Variants in KLHL1 observed in about 807,000 individuals in gnomAD.
The protein encoded by KLHL1 is kelch-like protein 1.
KLHL1 carries 47 observed loss-of-function variants against 77.7 expected under a neutral mutation model. The observed-to-expected ratio is 0.60, with a 90% confidence interval of 0.48 to 0.77. KLHL1 has a LOEUF of 0.77. Among genes scored for constraint, KLHL1 ranks in the 30% least tolerant of loss-of-function variants. The pLI is 0.00. For missense variants in KLHL1, 925 were observed against 910.8 expected (o/e 1.02, Z -0.20); for synonymous variants, 360 against 325.2 (o/e 1.11, Z -1.15).
At chr13:69,758,172 G>A (rs897613279) in intron 7 of KLHL1, among the ~76,000 whole-genome samples, 4 of 151,686 alleles carry the variant, frequency 2.6e-5, no homozygotes, top group Admixed American at 6.6e-5. Flanking sequence ...TTACTCAAAA[G>A]GTGAACAAAA....
chr13:69,884,088 C>A (rs1465126271), intron 4 of KLHL1, among the ~76,000 whole-genome samples: 4 of 152,140 alleles, frequency 2.6e-5, no homozygotes, highest in Non-Finnish European at 4.4e-5. Flanking sequence ...TATGTTAGAG[C>A]AGTTTCAAAT....
intron 6 of KLHL1, among the ~76,000 whole-genome samples, chr13:69,798,917 C>CA (rs1877250801): frequency 6.6e-6 from 1 of 151,710 alleles, no homozygotes; most frequent in Non-Finnish European, 1.5e-5. Context: ...ACTAAAAATA[C>CA]AAAAAATAAT....
At chr13:70,019,193 T>C (rs1410856487) in intron 1 of KLHL1, among the ~76,000 whole-genome samples, 6 of 152,162 alleles carry the variant, frequency 3.9e-5, no homozygotes, top group Non-Finnish European at 8.8e-5. Flanking sequence ...AGGTTGTCTC[T>C]GTGTTATGAG....
chr13:70,000,949 G>A (rs1885273276), intron 1 of KLHL1, among the ~76,000 whole-genome samples: 1 of 149,866 alleles, frequency 6.7e-6, no homozygotes, highest in Non-Finnish European at 1.5e-5. Flanking sequence ...AAAAATAGAT[G>A]CCAGAATATT....
intron 7 of KLHL1, among the ~76,000 whole-genome samples, chr13:69,766,584 G>T (rs1280136158): frequency 6.6e-6 from 1 of 151,924 alleles, no homozygotes; most frequent in African/African-American, 2.4e-5. Context: ...TGGAAAAGAA[G>T]GTGGGAGAGA....
chr13:70,096,146 A>G (rs916772331), intron 1 of KLHL1, among the ~76,000 whole-genome samples: 5 of 152,118 alleles, frequency 3.3e-5, no homozygotes, highest in African/African-American at 7.2e-5. Context: ...TTGTGCTGCA[A>G]TAAACACAGG....
intron 9 of KLHL1, among the ~76,000 whole-genome samples, chr13:69,711,778 A>C (rs1875887324): frequency 6.6e-6 from 1 of 152,048 alleles, no homozygotes; most frequent in Non-Finnish European, 1.5e-5. Context: ...AAATGTTGAC[A>C]ATTGGTATTA....
At chr13:69,724,124 C>T (rs12429498) in intron 8 of KLHL1, among the ~76,000 whole-genome samples, 175 of 152,098 alleles carry the variant, frequency 1.2e-3, no homozygotes, top group African/African-American at 4.0e-3. Context: ...CGTGAGATAC[C>T]GTGCCTGGCT....
At chr13:69,777,470 C>A (rs1566239380) in intron 7 of KLHL1, among the ~76,000 whole-genome samples, 1 of 152,102 alleles carries the variant, frequency 6.6e-6, no homozygotes, top group East Asian at 1.9e-4. Context: ...ATCCTTATAT[C>A]TCTTGTACTG....
chr13:69,952,234 G>A (rs924935393), intron 3 of KLHL1, among the ~76,000 whole-genome samples: 1 of 151,416 alleles, frequency 6.6e-6, no homozygotes, highest in Admixed American at 6.6e-5. Context: ...AAAGCAGAGT[G>A]CATAGCCCAG....
chr13:69,826,843 T>C (rs1410893530), intron 6 of KLHL1, among the ~76,000 whole-genome samples: 1 of 151,612 alleles, frequency 6.6e-6, no homozygotes, highest in East Asian at 1.9e-4. Context: ...TAAACGAGTG[T>C]TTAGGATACT....
intron 4 of KLHL1, among the ~76,000 whole-genome samples, chr13:69,907,479 C>T (rs1882080741): frequency 6.6e-6 from 1 of 151,722 alleles, no homozygotes; most frequent in African/African-American, 2.4e-5. Flanking sequence ...TTGTTAATAA[C>T]ATTTGTGTTT....
intron 5 of KLHL1, among the ~76,000 whole-genome samples, chr13:69,843,511 G>T (rs537388510): frequency 6.6e-6 from 1 of 151,578 alleles, no homozygotes; most frequent in Non-Finnish European, 1.5e-5. Flanking sequence ...ACTAATTAGG[G>T]TGGATTAATT....
chr13:69,891,212 T>C (rs1336043361), intron 4 of KLHL1, among the ~76,000 whole-genome samples: 1 of 152,108 alleles, frequency 6.6e-6, no homozygotes, highest in Non-Finnish European at 1.5e-5. Context: ...TCTGCCGGAC[T>C]GAAGTGAATG....
In KLHL1 at chr13:69,796,850, A is replaced by G. The variant is rs1432841392; in HGVS notation, c.1527T>C (p.Phe509=). 6.2e-7 allele frequency: 1 copy of G among 1,614,116 alleles called. No homozygotes were observed. The highest frequency in any genetic ancestry group is 2.2e-5 in the East Asian group (1 of 44,868). Residue 509 remains phenylalanine, a synonymous_variant, in exon 7 of 11, where the codon TTT becomes TTC. Coordinates refer to ENST00000377844, the MANE Select transcript of KLHL1 (RefSeq NM_020866.3). ...TTAAGCCATCTCGACCTCCAATTAC[A>G]AAGAGTTTGTCATCAATAACAGCCA... is the stretch of plus-strand genomic sequence containing the variant. ...FGVAVIDDKL[F]VIGGRDGLKT...
At chr13:70,094,502 G>C (rs1887743483) in intron 1 of KLHL1, among the ~76,000 whole-genome samples, 2 of 151,424 alleles carry the variant, frequency 1.3e-5, no homozygotes, top group Admixed American at 6.6e-5. Flanking sequence ...ATAAAATTAT[G>C]TAGTCTCACG....
At chr13:69,809,767 ACAAATAACAAGACC>A (rs1363597526) in intron 6 of KLHL1, among the ~76,000 whole-genome samples, 1 of 152,110 alleles carries the variant, frequency 6.6e-6, no homozygotes, top group African/African-American at 2.4e-5. Context: ...GATTAAAAAA[ACAAATAACAAGACC>A]CATCCTTCCA....
intron 5 of KLHL1, among the ~76,000 whole-genome samples, chr13:69,856,094 T>C (rs1366680028): frequency 2.0e-5 from 3 of 151,548 alleles, no homozygotes; most frequent in South Asian, 2.1e-4. Flanking sequence ...GCATTTCTTC[T>C]GGACTATCTT....
intron 7 of KLHL1, among the ~76,000 whole-genome samples, chr13:69,780,268 A>G (rs538960585): frequency 6.6e-6 from 1 of 152,116 alleles, no homozygotes; most frequent in Non-Finnish European, 1.5e-5. Flanking sequence ...TGTTGTTTTC[A>G]CTGTGGCATT....
Sources: gnomAD v4.1 joint callset for allele counts (sites outside exome capture counted in the v4.1 genomes callset) on GRCh38, gnomAD v4.1.1 for gene constraint, MANE v1.5 for transcripts, NCBI Gene and HGNC (gene_info 2026-07-23, HGNC 2026-07-21) for gene names.